The following SPTB variants were observed in gnomAD, a reference collection of about 807,000 sequenced individuals.
SPTB encodes spectrin beta chain, erythrocytic.
SPTB carries 45 observed loss-of-function variants against 256.2 expected under a neutral mutation model. The observed-to-expected ratio is 0.18, with a 90% CI of 0.14 to 0.23. The LOEUF (loss-of-function observed/expected upper bound fraction) is 0.23, where lower values mean the gene tolerates loss of function less well. SPTB is among the 10% of genes least tolerant of loss of function. SPTB has a pLI of 1.00. For synonymous variants in SPTB, 1,231 were observed against 1,243.1 expected (o/e 0.99, Z 0.21); for missense variants, 2,715 against 3,040.4 (o/e 0.89, Z 2.52).
chr14:64,779,613 G>T lies in SPTB; in HGVS notation c.4473+112C>A. On this transcript the variant is annotated intron_variant, in intron 21 of 35. Coordinates refer to ENST00000644917, the MANE Select transcript of SPTB (RefSeq NM_001355436.2). The surrounding 1 kb of genome is among the most constrained non-coding windows in gnomAD (Gnocchi z 4.2). ...TCACAAGAACCCTATGAGATAAGGG[G>T]TGAGGTGACCAGTCATCTACTGCCA... is the stretch of plus-strand genomic sequence containing the variant. 1 of 1,043,974 alleles carries T rather than the reference G, an allele frequency of 9.6e-7. No homozygotes were observed. Among genetic ancestry groups the T allele is most frequent in the Non-Finnish European group, 1.5e-6 (1 of 665,866 alleles). The allele number at this position is 1,043,974 out of a possible 1,614,324, so 64.7% of individuals were successfully genotyped here. A position where few individuals can be genotyped will look rare whatever the true frequency, so the allele number is the denominator to read the frequency against.
At chr14:64,781,273 C>G (rs904481512) in intron 20 of SPTB, among the ~76,000 whole-genome samples, 6 of 152,214 alleles carry the variant, frequency 3.9e-5, no homozygotes, top group Admixed American at 1.3e-4. Flanking sequence ...AAACTATCAA[C>G]AGAGTAAACA....
chr14:64,872,796 C>T (rs1433408851), intron 1 of SPTB, among the ~76,000 whole-genome samples: 1 of 152,124 alleles, frequency 6.6e-6, no homozygotes, highest in Non-Finnish European at 1.5e-5. Flanking sequence ...GTGCTGTTCT[C>T]GTGATAGTGA....
intron 1 of SPTB, among the ~76,000 whole-genome samples, chr14:64,859,436 C>T (rs540873835): frequency 6.6e-6 from 1 of 151,738 alleles, no homozygotes; most frequent in South Asian, 2.1e-4. Context: ...AACTATAGAA[C>T]ATTTTCAGTA....
chr14:64,821,772 C>G (rs181450037), intron 2 of SPTB, among the ~76,000 whole-genome samples: 6 of 152,222 alleles, frequency 3.9e-5, no homozygotes, highest in Admixed American at 3.3e-4. Flanking sequence ...GACTGAGACC[C>G]AAGTGGATTC....
intron 1 of SPTB, among the ~76,000 whole-genome samples, chr14:64,842,828 G>A (rs558981439): frequency 3.2e-4 from 49 of 152,288 alleles, no homozygotes; most frequent in Middle Eastern, 3.4e-3. Flanking sequence ...CCAACACTTT[G>A]GGAGGCTAAA....
rs1301544962 is a variant in SPTB, at chr14:64,753,754, G to T, written c.6385C>A (p.Pro2129Thr). 1.1e-5 allele frequency: 17 copies of T among 1,613,492 alleles called. No homozygotes were observed. The highest frequency in any genetic ancestry group is 1.7e-5 in the Admixed American group (1 of 60,000). Residue 2129 changes from proline to threonine, a missense_variant, in exon 33 of 36, where the codon CCA (proline) becomes ACA (threonine). Transcript: ENST00000644917. The stretch of plus-strand genomic sequence containing the variant: ...TCCTTGTGCTGACCCGGCGGTGGTG[G>T]CTGCTGCAGGTTCTGAGGCCACGTT... ...EGTWPQNLQQ[P>T]PPPGQHKDGQ...
intron 15 of SPTB, among the ~76,000 whole-genome samples, chr14:64,788,084 T>C (rs556973235): frequency 1.4e-4 from 21 of 152,250 alleles, no homozygotes; most frequent in Non-Finnish European, 2.4e-4. Context: ...AGCTCACAAA[T>C]AACATAGCAT....
At chr14:64,842,398 G>A (rs1363674464) in intron 1 of SPTB, among the ~76,000 whole-genome samples, 3 of 152,172 alleles carry the variant, frequency 2.0e-5, no homozygotes, top group Non-Finnish European at 4.4e-5. Flanking sequence ...CCGGGGACGT[G>A]AACCAGGCAG....
Position 64,815,448 on chromosome 14 carries a change from G to T in SPTB, c.148+7499C>A, listed in dbSNP as rs1218298995. On this transcript the variant is annotated intron_variant, in intron 2 of 35. Transcript: ENST00000644917. ...TATTCTGACCTTCCTCATCTCTAGG[G>T]AGATGACAACAGCTATAAGCTGCCC... Among the ~76,000 whole-genome samples the T allele has an allele frequency of 2.0e-5, 3 of 152,222 alleles. No individual in the cohort carries two copies. In the East Asian group the frequency reaches 5.8e-4, roughly 29 times the overall value.
Position 64,786,357 on chromosome 14 carries a change from T to TACTGCCCTGAGAGACCCGCCTGTCCC in SPTB, c.3561+21_3561+46dup. ...ACATTTGTGGACTCACCACAAGAGC[T>TACTGCCCTGAGAGACCCGCCTGTCCC]ACTGCCCTGAGAGACCCGCCTGTCC... is the stretch of plus-strand genomic sequence containing the variant. On this transcript the variant is annotated intron_variant, in intron 16 of 35. Transcript: ENST00000644917. The surrounding 1 kb of genome is among the most constrained non-coding windows in gnomAD (Gnocchi z 5.6). 6.2e-7 allele frequency: 1 copy of TACTGCCCTGAGAGACCCGCCTGTCCC among 1,611,836 alleles called. No individual in the cohort carries two copies. The highest frequency in any genetic ancestry group is 8.5e-7 in the Non-Finnish European group (1 of 1,179,520).
chr14:64,767,949 G>GC, intron 29 of SPTB, 90 bp from the exon 30 acceptor site: 2 of 1,481,224 alleles, frequency 1.4e-6, no homozygotes, highest in South Asian at 1.2e-5. Flanking sequence ...CAGTGGTCAG[G>GC]CAGGTGGCCT....
Position 64,847,762 on chromosome 14 carries a change from C to G in SPTB, c.-51-24617G>C, listed in dbSNP as rs150587000. On this transcript the variant is annotated intron_variant, in intron 1 of 35. Transcript: ENST00000644917. The surrounding 1 kb of genome is among the most constrained non-coding windows in gnomAD (Gnocchi z 5.9). Reference sequence around the variant, plus strand: ...CTCATTGCAGAGTTCATGCCTAACACAGCATGCCACCCTTTGCTGTCGTGT... The same window carrying G: ...CTCATTGCAGAGTTCATGCCTAACAGAGCATGCCACCCTTTGCTGTCGTGT... Among the ~76,000 whole-genome samples, 561 of 152,282 alleles carry G rather than the reference C, an allele frequency of 3.7e-3. 17 individuals carry two copies. The highest frequency in any genetic ancestry group is 0.032 in the Admixed American group (489 of 15,302).
At chr14:64,768,720 C>T (rs1044008226) in intron 29 of SPTB, among the ~76,000 whole-genome samples, 10 of 151,750 alleles carry the variant, frequency 6.6e-5, no homozygotes, top group African/African-American at 2.2e-4. Flanking sequence ...CCCCCGGGCC[C>T]CCAACTCCTC....
chr14:64,750,771 A>G (rs1272862649), intron 33 of SPTB, among the ~76,000 whole-genome samples: 1 of 149,690 alleles, frequency 6.7e-6, no homozygotes, highest in Admixed American at 6.7e-5. Flanking sequence ...GACGAGACTT[A>G]GTCTCAAAAA....
chr14:64,800,477 G>A (rs1479765582), intron 8 of SPTB, among the ~76,000 whole-genome samples: 1 of 152,178 alleles, frequency 6.6e-6, no homozygotes, highest in Non-Finnish European at 1.5e-5. Context: ...ATAAAAGCCT[G>A]GAGGGTTCCT....
chr14:64,864,616 T>C (rs548466055), intron 1 of SPTB, among the ~76,000 whole-genome samples: 1 of 152,292 alleles, frequency 6.6e-6, no homozygotes, highest in African/African-American at 2.4e-5. Context: ...CATATCTGTA[T>C]CTATGTGTAT....
In SPTB at chr14:64,816,580, A is replaced by G. The variant is rs2083194758; in HGVS notation, c.148+6367T>C. 6.6e-6 allele frequency among the ~76,000 whole-genome samples: 1 copy of G among 152,204 alleles called. No homozygotes were observed. Among genetic ancestry groups the G allele is most frequent in the Non-Finnish European group, 1.5e-5 (1 of 68,038 alleles). Reference sequence around the variant, plus strand: ...ATTTGCTATGCACGTGTGTCTATGCACATAGACACGTGTGGGATTATTTGA... The same window carrying G: ...ATTTGCTATGCACGTGTGTCTATGCGCATAGACACGTGTGGGATTATTTGA... On this transcript the variant is annotated intron_variant, in intron 2 of 35. Coordinates refer to ENST00000644917, the MANE Select transcript of SPTB (RefSeq NM_001355436.2). This position sits in a 1 kb window ranked among gnomAD's most constrained non-coding sequence, Gnocchi z 4.2.
At chr14:64,878,007 GC>G (rs1169040051) in intron 1 of SPTB, among the ~76,000 whole-genome samples, 2 of 152,168 alleles carry the variant, frequency 1.3e-5, no homozygotes, top group African/African-American at 4.8e-5. Context: ...GTGCTACAAG[GC>G]CCATCCTGGA....
Position 64,801,837 on chromosome 14 carries a change from G to A in SPTB, c.567-3C>T. ...TGGTGACATTAACATGAGGGTAGCTGCATCCAAGAGAAACAGTAAGAGCTA... is the reference window on the plus strand; with the variant it reads ...TGGTGACATTAACATGAGGGTAGCTACATCCAAGAGAAACAGTAAGAGCTA... On this transcript the variant is annotated splice_region_variant and splice_polypyrimidine_tract_variant and intron_variant, in intron 5 of 35. Coordinates refer to ENST00000644917, the MANE Select transcript of SPTB (RefSeq NM_001355436.2). 6.2e-7 allele frequency: 1 copy of A among 1,613,928 alleles called. No homozygotes were observed. Among genetic ancestry groups the A allele is most frequent in the Non-Finnish European group, 8.5e-7 (1 of 1,179,790 alleles).
Sources: gnomAD v4.1 joint callset for allele counts (sites outside exome capture counted in the v4.1 genomes callset) on GRCh38, gnomAD v4.1.1 for gene constraint, Gnocchi (gnomAD v3.1) non-coding constraint, MANE v1.5 for transcripts, NCBI Gene and HGNC (gene_info 2026-07-23, HGNC 2026-07-21) for gene names.